The following LPIN2 variants were observed in gnomAD, a reference collection of about 807,000 sequenced individuals.
LPIN2 encodes the protein phosphatidate phosphatase LPIN2.
Under a neutral mutation model 111.4 loss-of-function variants are expected in LPIN2, and 55 were observed. That is an observed-to-expected ratio of 0.49 (90% CI 0.40 to 0.62). The LOEUF (loss-of-function observed/expected upper bound fraction) is 0.62. LPIN2 is among the 20% of genes least tolerant of loss of function. LPIN2 has a pLI of 0.00. For missense variants in LPIN2, 992 were observed against 1,112.1 expected (o/e 0.89, Z 1.54); for synonymous variants, 425 against 414.0 (o/e 1.03, Z -0.32).
rs2077535765 is a variant in LPIN2, at chr18:2,951,417, T to C, written c.289-61A>G. The C allele has an allele frequency of 2.9e-6, 4 of 1,375,192 alleles. No individual in the cohort carries two copies. In the Admixed American group the frequency reaches 7.2e-5, roughly 25 times the overall value. The allele number at this position is 1,375,192 out of a possible 1,614,324, so 85.2% of individuals were successfully genotyped here. On this transcript the variant is annotated intron_variant, in intron 3 of 19. Transcript: ENST00000677752. ...CAAACTCGACAGTGAATTAAAGCAG[T>C]AATATTTTGAATATATAAATTTTCA...
chr18:2,936,643 T>C (rs1177408939), intron 7 of LPIN2, among the ~76,000 whole-genome samples: 2 of 152,218 alleles, frequency 1.3e-5, no homozygotes, highest in Non-Finnish European at 2.9e-5. Context: ...TGGAGTGGCT[T>C]CATCTTGGCT....
chr18:2,948,879 T>C lies in LPIN2; in HGVS notation c.590+2176A>G, dbSNP rs149697798. 8.7e-3 allele frequency among the ~76,000 whole-genome samples: 1,318 copies of C among 152,038 alleles called. 26 individuals are homozygous for C. The highest frequency in any genetic ancestry group is 0.03 in the African/African-American group (1,228 of 41,448). On this transcript the variant is annotated intron_variant, in intron 4 of 19. Coordinates refer to ENST00000677752, the MANE Select transcript of LPIN2 (RefSeq NM_001375808.2). Reference sequence around the variant, plus strand: ...CCTGGGCTGGAGGGCAGTGGTGTGATCTTGGCTCACTGTAACCTCCGCCTC... The same window carrying C: ...CCTGGGCTGGAGGGCAGTGGTGTGACCTTGGCTCACTGTAACCTCCGCCTC...
chr18:2,922,140 C>T lies in LPIN2; in HGVS notation c.2234G>A (p.Arg745His), dbSNP rs1222370431. The T allele has an allele frequency of 3.1e-6, 5 of 1,613,912 alleles. No individual in the cohort carries two copies. The highest frequency in any genetic ancestry group is 2.2e-5 in the South Asian group (2 of 91,082). Reference sequence around the variant, plus strand: ...GTCATTGACCCAGTGCAGGTAGCCACGGGTCATGTCGGCCATGCCGATGGC... The same window carrying T: ...GTCATTGACCCAGTGCAGGTAGCCATGGGTCATGTCGGCCATGCCGATGGC... ...ARAIGMADMT[R>H]GYLHWVNDKG... The change falls in exon 17 of 20, where the codon CGT (arginine) becomes CAT (histidine). Residue 745 changes from arginine to histidine, a missense_variant. Arg to His is a conservative substitution (Grantham distance 29). Coordinates refer to ENST00000677752, the MANE Select transcript of LPIN2 (RefSeq NM_001375808.2).
intron 1 of LPIN2, among the ~76,000 whole-genome samples, chr18:3,008,348 G>A (rs1160047480): frequency 1.3e-5 from 2 of 152,172 alleles, no homozygotes; most frequent in Non-Finnish European, 1.5e-5. Flanking sequence ...AGTCCGAGGT[G>A]GGAGGATCGC....
At chr18:2,929,179 C>A (rs775491016) in intron 9 of LPIN2, 21 bp from the exon 10 acceptor site, 3 of 1,434,538 alleles carry the variant, frequency 2.1e-6, no homozygotes, top group East Asian at 4.6e-5. Context: ...AAATAATAAT[C>A]AATTTGGTTA....
At chr18:2,958,488 T>TAA (rs1414206186) in intron 2 of LPIN2, among the ~76,000 whole-genome samples, 1 of 152,126 alleles carries the variant, frequency 6.6e-6, no homozygotes, top group Non-Finnish European at 1.5e-5. Flanking sequence ...CAAACTGACT[T>TAA]AAAATAAGAC....
Position 2,937,716 on chromosome 18 carries a change from C to G in LPIN2, c.1144G>C (p.Val382Leu). ...APSESKPAAK[V>L]DSPSKKKGVH... Reference sequence around the variant, plus strand: ...CCTTTCTTCTTTGACGGCGAGTCTACTTTAGCTGCCGGTTTGGATTCTGAG... The same window carrying G: ...CCTTTCTTCTTTGACGGCGAGTCTAGTTTAGCTGCCGGTTTGGATTCTGAG... The change falls in exon 7 of 20, where the codon GTA becomes CTA. Residue 382 changes from valine (V) to leucine (L), a missense_variant. This residue lies in a region of LPIN2 where 709 missense variants were observed against 753.2 expected (regional missense o/e 0.94). Transcript: ENST00000677752. The G allele has an allele frequency of 6.2e-7, 1 of 1,614,142 alleles. No individual in the cohort carries two copies. Among genetic ancestry groups the G allele is most frequent in the Non-Finnish European group, 8.5e-7 (1 of 1,180,032 alleles).
At position 2,960,576 on chromosome 18, in the gene LPIN2, T is replaced by C. The variant is rs2077697009; in HGVS notation, c.192+73A>G. On this transcript the variant is annotated intron_variant, in intron 2 of 19. Transcript: ENST00000677752. ...ATTTATTCATAGAGGATGACTTTTC[T>C]ACTCCTTGAGGACACTCACTCACTT... The C allele has an allele frequency of 2.0e-6, 3 of 1,472,044 alleles. No individual in the cohort carries two copies. The African/African-American group carries it at 4.2e-5, about 20-fold the overall frequency. 91.2% of individuals were successfully genotyped at this position (1,472,044 alleles called of 1,614,324 possible).
intron 15 of LPIN2, 80 bp from the exon 16 acceptor site, chr18:2,923,941 G>A: frequency 1.8e-6 from 2 of 1,098,382 alleles, no homozygotes; most frequent in Non-Finnish European, 2.8e-6. Flanking sequence ...ACTATCAGCT[G>A]CCAATAACTA....
intron 1 of LPIN2, among the ~76,000 whole-genome samples, chr18:2,994,773 C>T (rs1014723061): frequency 6.6e-6 from 1 of 152,074 alleles, no homozygotes; most frequent in Non-Finnish European, 1.5e-5. Context: ...AAAATGTCTC[C>T]GGTTATTTCT....
chr18:2,996,465 ATCTTTTTT>A, intron 1 of LPIN2, among the ~76,000 whole-genome samples: 1 of 121,860 alleles, frequency 8.2e-6, no homozygotes, highest in Non-Finnish European at 1.6e-5. Flanking sequence ...CCAGGAAAAT[ATCTTTTTT>A]TTTTTTTTTT....
chr18:2,921,307 G>A, intron 18 of LPIN2: 1 of 602,812 alleles, frequency 1.7e-6, no homozygotes, highest in Non-Finnish European at 2.9e-6. Context: ...CCACAGAAAC[G>A]ATGGAAAAGC....
chr18:2,923,870 A>AC lies in LPIN2; in HGVS notation c.2088-10dup, dbSNP rs777548416. 1 of 1,611,886 alleles carries AC rather than the reference A, an allele frequency of 6.2e-7. No individual in the cohort carries two copies. Among genetic ancestry groups the AC allele is most frequent in the East Asian group, 2.2e-5 (1 of 44,894 alleles). ...GTCCCAAAGCATCCGACCTAAGAAGACGGTAGAAACAGGAAAAGCTATCAG... is the reference window on the plus strand; with the variant it reads ...GTCCCAAAGCATCCGACCTAAGAAGACCGGTAGAAACAGGAAAAGCTATCAG... On this transcript the variant is annotated splice_polypyrimidine_tract_variant and intron_variant, in intron 15 of 19. Coordinates refer to ENST00000677752, the MANE Select transcript of LPIN2 (RefSeq NM_001375808.2).
intron 1 of LPIN2, among the ~76,000 whole-genome samples, chr18:2,976,476 G>T (rs1421379268): frequency 3.3e-5 from 5 of 152,192 alleles, no homozygotes; most frequent in Admixed American, 2.6e-4. Context: ...AAGAATGTAG[G>T]CTGCCTTATC....
intron 12 of LPIN2, among the ~76,000 whole-genome samples, chr18:2,927,441 G>A (rs1206720014): frequency 1.3e-5 from 2 of 152,164 alleles, no homozygotes; most frequent in Non-Finnish European, 2.9e-5. Flanking sequence ...TCAGACTCAA[G>A]GTCTTGCCCC....
Position 2,940,719 on chromosome 18 carries a change from A to G in LPIN2, c.591-7T>C. 6.4e-7 allele frequency: 1 copy of G among 1,552,216 alleles called. No homozygotes were observed. Among genetic ancestry groups the G allele is most frequent in the Admixed American group, 1.7e-5 (1 of 59,906 alleles). On this transcript the variant is annotated splice_polypyrimidine_tract_variant and splice_region_variant and intron_variant, in intron 4 of 19. Transcript: ENST00000677752. Reference sequence around the variant, plus strand: ...GGAAGCATTTGAAGATCCTCTGTGAAGGAGAAACCAAAGAAAGGCAGGAAC... The same window carrying G: ...GGAAGCATTTGAAGATCCTCTGTGAGGGAGAAACCAAAGAAAGGCAGGAAC...
chr18:2,961,946 C>A (rs1598573202), intron 1 of LPIN2, among the ~76,000 whole-genome samples: 1 of 152,230 alleles, frequency 6.6e-6, no homozygotes, highest in Non-Finnish European at 1.5e-5. Context: ...TTTCTCTACA[C>A]CCAGCTTGGA....
At chr18:2,975,722 G>C (rs546836127) in intron 1 of LPIN2, among the ~76,000 whole-genome samples, 13 of 152,268 alleles carry the variant, frequency 8.5e-5, no homozygotes, top group African/African-American at 2.9e-4. Flanking sequence ...AAAGAATTGT[G>C]TAGTAAACCT....
intron 1 of LPIN2, among the ~76,000 whole-genome samples, chr18:3,009,060 A>G (rs1442972027): frequency 6.6e-6 from 1 of 152,104 alleles, no homozygotes; most frequent in Non-Finnish European, 1.5e-5. Context: ...TGACCCCAGG[A>G]GTCTGAGACC....
Sources: allele counts gnomAD v4.1 joint callset (sites outside exome capture counted in the v4.1 genomes callset), GRCh38; gene constraint gnomAD v4.1.1; regional missense constraint gnomAD v4.1.1; transcripts MANE v1.5; gene names NCBI Gene and HGNC (gene_info 2026-07-23, HGNC 2026-07-21).